MRTFA: variants seen among roughly 807,000 people sequenced by gnomAD.
MRTFA encodes myocardin related transcription factor A, also known as myocardin-related transcription factor A.
Under a neutral mutation model 83.5 loss-of-function variants are expected in MRTFA, and 20 were observed. The ratio of observed to expected loss-of-function variants is 0.24; its 90% CI spans 0.17 to 0.35. MRTFA has a LOEUF of 0.35. Among genes scored for constraint, MRTFA ranks in the 10% least tolerant of loss-of-function variants. MRTFA has a pLI of 1.00. For missense variants in MRTFA, 1,200 were observed against 1,224.7 expected (o/e 0.98, Z 0.30); for synonymous variants, 659 against 541.2 (o/e 1.22, Z -3.02).
Position 40,418,397 on chromosome 22 carries a change from G to C in MRTFA, c.2341C>G (p.Leu781Val). 6.2e-7 allele frequency: 1 copy of C among 1,614,046 alleles called. No homozygotes were observed. The highest frequency in any genetic ancestry group is 1.3e-5 in the African/African-American group (1 of 75,050). ...ACCTGCTGGGGGCTCCCACTGGACA[G>C]GCCAGGGCTGTCTGCATTCTTATTG... Residue 781 changes from leucine to valine, a missense_variant, in exon 12 of 15, where the codon CTG becomes GTG. By Grantham distance (32) the Leu-to-Val change is conservative. Coordinates refer to ENST00000355630, the MANE Select transcript of MRTFA (RefSeq NM_020831.6).
chr22:40,627,811 T>C (rs1159007950), intron 1 of MRTFA, among the ~76,000 whole-genome samples: 1 of 152,134 alleles, frequency 6.6e-6, no homozygotes, highest in Non-Finnish European at 1.5e-5. Context: ...ACACCCCGCC[T>C]GCACAAAAAA....
rs149876356 is a variant in MRTFA at position 40,420,533 on chromosome 22, G to A, written c.1225C>T (p.Arg409Cys). 1.3e-4 allele frequency: 210 copies of A among 1,613,708 alleles called. No individual in the cohort carries two copies. Among genetic ancestry groups the A allele is most frequent in the Middle Eastern group, 5.0e-4 (3 of 6,032 alleles). The change falls in exon 11 of 15, where the codon CGC becomes TGC. Residue 409 changes from arginine to cysteine, a missense_variant. Around this residue, in one of 2 missense-constraint regions of MRTFA, gnomAD observed 1,107 missense variants for 1,041.8 expected, o/e 1.06. Coordinates refer to ENST00000355630, the MANE Select transcript of MRTFA (RefSeq NM_020831.6). ...CTGCTATTGGTAGTGGAGAGGCTGC[G>A]TACTGGGGGGGTCCCGCTGCTTCCC...
chr22:40,451,987 T>G (rs912697844), intron 4 of MRTFA, among the ~76,000 whole-genome samples: 5 of 116,592 alleles, frequency 4.3e-5, no homozygotes, highest in Admixed American at 8.5e-5. Context: ...TTTTTTTTTT[T>G]TTTTTTTTTT....
At chr22:40,595,285 TA>T (rs1276342106) in intron 1 of MRTFA, among the ~76,000 whole-genome samples, 4 of 151,938 alleles carry the variant, frequency 2.6e-5, no homozygotes, top group South Asian at 2.1e-4. Flanking sequence ...TACGTCGGGC[TA>T]TTTTTTTTTG....
Position 40,420,544 on chromosome 22 carries a change from G to T in MRTFA, c.1214C>A (p.Thr405Asn), listed in dbSNP as rs149008596. Residue 405 changes from threonine to asparagine, a missense_variant, in exon 11 of 15, where the codon ACC (threonine) becomes AAC (asparagine). Physicochemically the swap from Thr to Asn is moderately conservative, Grantham distance 65. Coordinates refer to ENST00000355630, the MANE Select transcript of MRTFA (RefSeq NM_020831.6). The stretch of plus-strand genomic sequence containing the variant: ...AGTGGAGAGGCTGCGTACTGGGGGG[G>T]TCCCGCTGCTTCCCAGGGCCTCGCC... The T allele has an allele frequency of 1.8e-4, 294 of 1,613,624 alleles. No individual in the cohort carries two copies. The African/African-American group carries it at 3.3e-3, about 18-fold the overall frequency.
chr22:40,541,157 AAC>A (rs1467928074), intron 3 of MRTFA, among the ~76,000 whole-genome samples: 1 of 152,190 alleles, frequency 6.6e-6, no homozygotes, highest in Non-Finnish European at 1.5e-5. Flanking sequence ...AAATCAGAAA[AAC>A]AGAGAACCTT....
chr22:40,603,783 T>C (rs2056286689), intron 1 of MRTFA, among the ~76,000 whole-genome samples: 1 of 151,724 alleles, frequency 6.6e-6, no homozygotes, highest in African/African-American at 2.4e-5. Context: ...ACTTTTTTTT[T>C]TTTTAATTTA....
intron 3 of MRTFA, among the ~76,000 whole-genome samples, chr22:40,523,983 C>A (rs1285115599): frequency 6.6e-6 from 1 of 150,978 alleles, no homozygotes; most frequent in Non-Finnish European, 1.5e-5. Flanking sequence ...CAAGGAAAAA[C>A]AGAAAAACAG....
chr22:40,566,419 A>G (rs960247434), intron 2 of MRTFA, among the ~76,000 whole-genome samples: 3 of 151,878 alleles, frequency 2.0e-5, no homozygotes, highest in Admixed American at 6.5e-5. Context: ...ACGGGCTTTC[A>G]CCATCTTGGC....
At chr22:40,596,528 G>A (rs1010677115) in intron 1 of MRTFA, among the ~76,000 whole-genome samples, 3 of 152,160 alleles carry the variant, frequency 2.0e-5, no homozygotes, top group South Asian at 2.1e-4. Context: ...TAGGCTGGGC[G>A]CAGTGACTCA....
chr22:40,550,453 G>C (rs919238807), intron 3 of MRTFA, among the ~76,000 whole-genome samples: 1 of 152,148 alleles, frequency 6.6e-6, no homozygotes, highest in Non-Finnish European at 1.5e-5. Flanking sequence ...TCAAAGAAAA[G>C]AGAGCCTAAA....
At chr22:40,566,764 C>T (rs1418661706) in intron 2 of MRTFA, among the ~76,000 whole-genome samples, 2 of 152,260 alleles carry the variant, frequency 1.3e-5, no homozygotes, top group Middle Eastern at 3.4e-3. Flanking sequence ...ACCCGCGAGG[C>T]GGAGGTTGCA....
intron 3 of MRTFA, among the ~76,000 whole-genome samples, chr22:40,487,642 T>C (rs547938850): frequency 3.3e-5 from 5 of 152,246 alleles, no homozygotes; most frequent in Non-Finnish European, 7.3e-5. Flanking sequence ...AGAATCTCAC[T>C]ATCTCCTGGT....
chr22:40,468,545 G>A (rs2053848477), intron 3 of MRTFA, among the ~76,000 whole-genome samples: 1 of 152,188 alleles, frequency 6.6e-6, no homozygotes, highest in Non-Finnish European at 1.5e-5. Context: ...TAACTGAGCT[G>A]TAACTCAGGA....
At chr22:40,598,135 TA>T (rs1473681553) in intron 1 of MRTFA, among the ~76,000 whole-genome samples, 3 of 152,182 alleles carry the variant, frequency 2.0e-5, no homozygotes, top group Non-Finnish European at 4.4e-5. Context: ...AATCTCAAAT[TA>T]AGATCCTGGA....
chr22:40,523,393 A>G (rs948668565), intron 3 of MRTFA: 3 of 152,198 alleles, frequency 2.0e-5, no homozygotes, highest in Non-Finnish European at 2.9e-5. Flanking sequence ...CAGCTGGAAT[A>G]CCGTGGTGCA....
At chr22:40,446,932 A>C (rs1011390029) in intron 4 of MRTFA, among the ~76,000 whole-genome samples, 4 of 152,226 alleles carry the variant, frequency 2.6e-5, no homozygotes, top group Admixed American at 2.0e-4. Flanking sequence ...TTGAAGAAAG[A>C]TATACATAAA....
rs770481742 is a variant in MRTFA, at chr22:40,411,815, G to A, written c.2671C>T (p.Pro891Ser). The change falls in exon 15 of 15, where the codon CCA becomes TCA. Residue 891 changes from proline (P) to serine (S), a missense_variant. Physicochemically the swap from Pro to Ser is moderately conservative, Grantham distance 74. Coordinates refer to ENST00000355630, the MANE Select transcript of MRTFA (RefSeq NM_020831.6). Reference sequence around the variant, plus strand: ...TGGGGGAGCTCAGCAGAAGGTGATGGCTGTGCTGCCAGGGGGGACCCACAG... The same window carrying A: ...TGGGGGAGCTCAGCAGAAGGTGATGACTGTGCTGCCAGGGGGGACCCACAG... The A allele has an allele frequency of 1.8e-5, 27 of 1,520,220 alleles. 2 individuals are homozygous for A. The Admixed American group carries it at 3.2e-4, about 18-fold the overall frequency. The allele number at this position is 1,520,220 out of a possible 1,614,324, so 94.2% of individuals were successfully genotyped here.
At chr22:40,618,173 C>T (rs1210419079) in intron 1 of MRTFA, among the ~76,000 whole-genome samples, 1 of 151,242 alleles carries the variant, frequency 6.6e-6, no homozygotes, top group African/African-American at 2.4e-5. Flanking sequence ...CTCCTGGGTT[C>T]ACGCCATTCT....
Sources: gnomAD v4.1 joint callset for allele counts (sites outside exome capture counted in the v4.1 genomes callset) on GRCh38, gnomAD v4.1.1 for gene constraint, gnomAD v4.1.1 regional missense constraint, MANE v1.5 for transcripts, NCBI Gene and HGNC (gene_info 2026-07-23, HGNC 2026-07-21) for gene names.